PLA2G4F: variants seen among roughly 807,000 people sequenced by gnomAD.
PLA2G4F encodes the protein phospholipase A2 group IVF, also known as cytosolic phospholipase A2 zeta.
In PLA2G4F, 105 loss-of-function variants were observed where a neutral mutation model predicts 103.1. The observed-to-expected ratio is 1.02, with a 90% CI of 0.87 to 1.20. The LOEUF (loss-of-function observed/expected upper bound fraction) is 1.20, where lower values mean the gene tolerates loss of function less well. PLA2G4F is among the 50% of genes most tolerant of loss of function. The probability of loss-of-function intolerance (pLI) is 0.00; values close to 1 mark genes in which losing one functional copy is unlikely to be tolerated. For missense variants in PLA2G4F, 1,155 were observed against 1,075.9 expected (o/e 1.07, Z -1.03); for synonymous variants, 468 against 441.1 (o/e 1.06, Z -0.76).
chr15:42,149,732 T>A lies in PLA2G4F; in HGVS notation c.1040A>T (p.Glu347Val). ...ACGTACCTGGCCACTGTCCAGAGCCTCACTCAATCCCAGCACTTGCTGCAG... is the reference window on the plus strand; with the variant it reads ...ACGTACCTGGCCACTGTCCAGAGCCACACTCAATCCCAGCACTTGCTGCAG... ...KALQQVLGLSEALDSGQVPVV... is the reference protein window; with the variant it reads ...KALQQVLGLSVALDSGQVPVV... The change falls in exon 11 of 20, where the codon GAG becomes GTG. Residue 347 changes from glutamate to valine, a missense_variant. Around this residue, in one of 3 missense-constraint regions of PLA2G4F, gnomAD observed 782 missense variants for 692.9 expected, o/e 1.13. Coordinates refer to ENST00000397272, the MANE Select transcript of PLA2G4F (RefSeq NM_213600.4). The A allele has an allele frequency of 3.7e-6, 6 of 1,614,198 alleles. No individual in the cohort carries two copies. The highest frequency in any genetic ancestry group is 4.2e-6 in the Non-Finnish European group (5 of 1,180,032).
Position 42,154,395 on chromosome 15 carries a change from G to T in PLA2G4F, c.248C>A (p.Thr83Asn). Residue 83 changes from threonine (T) to asparagine (N), a missense_variant, in exon 3 of 20, where the codon ACT becomes AAT. Coordinates refer to ENST00000397272, the MANE Select transcript of PLA2G4F (RefSeq NM_213600.4). ...LPTASPSPAQTRIVANCSDPE... is the reference protein window; with the variant it reads ...LPTASPSPAQNRIVANCSDPE... ...GTCACTGCAGTTGGCCACTATCCTA[G>T]TCTGGGCAGGGCTTGGGGACGCCGT... is the stretch of plus-strand genomic sequence containing the variant. 6.2e-7 allele frequency: 1 copy of T among 1,612,108 alleles called. No homozygotes were observed. The highest frequency in any genetic ancestry group is 8.5e-7 in the Non-Finnish European group (1 of 1,178,672).
intron 11 of PLA2G4F, chr15:42,148,526 TC>T: frequency 1.2e-6 from 1 of 834,366 alleles, no homozygotes; most frequent in South Asian, 5.5e-5. Flanking sequence ...TCCCTCCACC[TC>T]CCCTTTCCCC....
chr15:42,150,489 G>A lies in PLA2G4F; in HGVS notation c.772-3C>T, dbSNP rs776010733. 1 of 1,610,840 alleles carries A rather than the reference G, an allele frequency of 6.2e-7. No homozygotes were observed. The highest frequency in any genetic ancestry group is 2.2e-5 in the East Asian group (1 of 44,852). On this transcript the variant is annotated splice_region_variant and splice_polypyrimidine_tract_variant and intron_variant, in intron 8 of 19. Transcript: ENST00000397272. ...TCCAACTCTGCGCTGGGGCCACTCT[G>A]TGGAAAAGAAAACACCCAAGAAGCT...
chr15:42,141,239 G>T lies in PLA2G4F; in HGVS notation c.*745C>A, dbSNP rs1296863561. ...GGTGAGACTATATTTGCATGATGTG[G>T]CCACTACACACATCACCAGAGACTG... On this transcript the variant is annotated 3_prime_UTR_variant, in exon 20 of 20. Coordinates refer to ENST00000397272, the MANE Select transcript of PLA2G4F (RefSeq NM_213600.4). 2.2e-6 allele frequency: 1 copy of T among 456,666 alleles called. No individual in the cohort carries two copies. The highest frequency in any genetic ancestry group is 7.0e-5 in the East Asian group (1 of 14,376). The allele number at this position is 456,666 out of a possible 1,614,324, so 28.3% of individuals were successfully genotyped here.
intron 15 of PLA2G4F, 35 bp from the exon 16 acceptor site, chr15:42,145,717 G>T (rs1284675149): frequency 6.2e-7 from 1 of 1,613,598 alleles, no homozygotes; most frequent in South Asian, 1.1e-5. Context: ...CCCACGTCAG[G>T]GCCTGGCCCC....
chr15:42,144,651 A>T lies in PLA2G4F; in HGVS notation c.1781-7T>A, dbSNP rs1228205126. The T allele has an allele frequency of 6.3e-7, 1 of 1,582,442 alleles. No homozygotes were observed. The highest frequency in any genetic ancestry group is 8.6e-7 in the Non-Finnish European group (1 of 1,163,924). ...TGAGGCTTCTGGCAGTCGTCTAGAC[A>T]GGGGCGGGACAGTGAAATAGAGGGG... On this transcript the variant is annotated splice_region_variant and splice_polypyrimidine_tract_variant and intron_variant, in intron 16 of 19. Transcript: ENST00000397272.
chr15:42,148,814 C>CT (rs1172792762), intron 11 of PLA2G4F: 1 of 985,300 alleles, frequency 1.0e-6, no homozygotes, highest in Admixed American at 6.1e-5. Context: ...TCCCTGTTCT[C>CT]TTTTCGTCTC....
intron 8 of PLA2G4F, 37 bp downstream of exon 8, chr15:42,150,571 G>A (rs1356269447): frequency 6.3e-6 from 10 of 1,596,708 alleles, no homozygotes; most frequent in Non-Finnish European, 8.5e-6. Flanking sequence ...AGTCTGGGCT[G>A]AGTTGGATCT....
chr15:42,146,147 A>G lies in PLA2G4F; in HGVS notation c.1514T>C (p.Leu505Ser). ...GGCACCTGCAAAATCTTCCCCACTC[A>G]AGTTGGTGCGGACGTTGACACTGGT... The part of the protein sequence containing the change: ...IYTSVNVRTN[L>S]SGEDFAEWCE... The change falls in exon 14 of 20, where the codon TTG (leucine) becomes TCG (serine). Residue 505 changes from leucine (L) to serine (S), a missense_variant. Leu to Ser is a moderately radical substitution (Grantham distance 145, BLOSUM62 -2). Around this residue, in one of 3 missense-constraint regions of PLA2G4F, gnomAD observed 782 missense variants for 692.9 expected, o/e 1.13. Transcript: ENST00000397272. 1 of 1,613,984 alleles carries G rather than the reference A, an allele frequency of 6.2e-7. No homozygotes were observed. The highest frequency in any genetic ancestry group is 8.5e-7 in the Non-Finnish European group (1 of 1,179,940).
chr15:42,141,751 G>T lies in PLA2G4F; in HGVS notation c.*233C>A. 1 of 621,568 alleles carries T rather than the reference G, an allele frequency of 1.6e-6. No homozygotes were observed. 38.5% of individuals were successfully genotyped at this position (621,568 alleles called of 1,614,324 possible). A position where few individuals can be genotyped will look rare whatever the true frequency, so the allele number is the denominator to read the frequency against. ...GTTCTCTTCTGCCCTACATCCCCAA[G>T]AGTCCCTGGAGCGATCTACTGCCCA... On this transcript the variant is annotated 3_prime_UTR_variant, in exon 20 of 20. Coordinates refer to ENST00000397272, the MANE Select transcript of PLA2G4F (RefSeq NM_213600.4).
Position 42,144,147 on chromosome 15 carries a change from G to C in PLA2G4F, c.1976-3C>G. The C allele has an allele frequency of 1.2e-6, 2 of 1,605,652 alleles. No individual in the cohort carries two copies. The highest frequency in any genetic ancestry group is 1.7e-6 in the Non-Finnish European group (2 of 1,176,388). On this transcript the variant is annotated splice_polypyrimidine_tract_variant and splice_region_variant and intron_variant, in intron 17 of 19. Coordinates refer to ENST00000397272, the MANE Select transcript of PLA2G4F (RefSeq NM_213600.4). ...GGGGAAGGCGTCCGGGTGTGTGTCT[G>C]CAAGGAACCCATGTGTACGCACAGG...
At chr15:42,149,317 G>T (rs1179352687) in intron 11 of PLA2G4F, among the ~76,000 whole-genome samples, 1 of 152,138 alleles carries the variant, frequency 6.6e-6, no homozygotes, top group Non-Finnish European at 1.5e-5. Context: ...ACCCCAAGGC[G>T]CACGCTCTGC....
intron 18 of PLA2G4F, 137 bp from the exon 19 acceptor site, chr15:42,142,851 T>C (rs2048839462): frequency 2.2e-6 from 2 of 890,532 alleles, no homozygotes; most frequent in Non-Finnish European, 1.7e-6. Context: ...TGACAGCTCC[T>C]TTCTGAGCTG....
At chr15:42,148,402 G>A (rs183594609) in intron 11 of PLA2G4F, 243 of 165,754 alleles carry the variant, frequency 1.5e-3, no homozygotes, top group African/African-American at 5.6e-3. Flanking sequence ...CCTCTCAACC[G>A]TGGCACTCTC....
intron 9 of PLA2G4F, 76 bp from the exon 10 acceptor site, chr15:42,150,217 C>A (rs1356629491): frequency 3.8e-6 from 6 of 1,596,886 alleles, no homozygotes; most frequent in Middle Eastern, 1.7e-4. Flanking sequence ...CCACCTGCAG[C>A]CCTTGCTGCC....
chr15:42,146,330 G>C, intron 13 of PLA2G4F, 89 bp from the exon 14 acceptor site: 1 of 1,250,314 alleles, frequency 8.0e-7, no homozygotes, highest in Admixed American at 1.8e-5. Context: ...GCAAGGCGTG[G>C]TGTGCCCACA....
At chr15:42,146,084 C>T in intron 14 of PLA2G4F, 43 bp downstream of exon 14, 1 of 1,605,432 alleles carries the variant, frequency 6.2e-7, no homozygotes, top group Non-Finnish European at 8.5e-7. Context: ...CCTCCTCCTC[C>T]CCACCTCCTC....
Position 42,142,133 on chromosome 15 carries a change from C to T in PLA2G4F, c.2401G>A (p.Gly801Ser). The part of the protein sequence containing the change: ...FVINRPDTPY[G>S]MMNFTYEPQD... ...GGCTCATAGGTGAAGTTCATCATGCCATAGGGGGTGTCTGGCCTGTTGATG... is the reference window on the plus strand; with the variant it reads ...GGCTCATAGGTGAAGTTCATCATGCTATAGGGGGTGTCTGGCCTGTTGATG... The change falls in exon 20 of 20, where the codon GGC (glycine) becomes AGC (serine). Residue 801 changes from glycine to serine, a missense_variant. By Grantham distance (56) the Gly-to-Ser change is moderately conservative. Coordinates refer to ENST00000397272, the MANE Select transcript of PLA2G4F (RefSeq NM_213600.4). 2 of 1,614,190 alleles carry T rather than the reference C, an allele frequency of 1.2e-6. No individual in the cohort carries two copies. The highest frequency in any genetic ancestry group is 4.5e-5 in the East Asian group (2 of 44,884).
In PLA2G4F at chr15:42,148,731, C is replaced by A. The variant is rs1228901455; in HGVS notation, c.1060-969G>T. The A allele has an allele frequency of 1.0e-5, 10 of 985,262 alleles. No homozygotes were observed. The Admixed American group carries it at 4.3e-4, about 42-fold the overall frequency. 61.0% of individuals were successfully genotyped at this position (985,262 alleles called of 1,614,324 possible). A position where few individuals can be genotyped will look rare whatever the true frequency, so the allele number is the denominator to read the frequency against. On this transcript the variant is annotated intron_variant, in intron 11 of 19. Transcript: ENST00000397272. ...TCAGGATCGGAGGTGCCTGAGGGGT[C>A]AGAGTCCATGCTTTTGGTTGCTTAG...
Sources: gnomAD v4.1 joint callset for allele counts (sites outside exome capture counted in the v4.1 genomes callset) on GRCh38, gnomAD v4.1.1 for gene constraint, gnomAD v4.1.1 regional missense constraint, MANE v1.5 for transcripts, NCBI Gene and HGNC (gene_info 2026-07-23, HGNC 2026-07-21) for gene names.